RIPK1: variants seen among roughly 807,000 people sequenced by gnomAD.
RIPK1 encodes the protein receptor interacting serine/threonine kinase 1.
In RIPK1, 27 loss-of-function variants were observed where a neutral mutation model predicts 62.4. The ratio of observed to expected loss-of-function variants is 0.43; its 90% CI spans 0.32 to 0.60. RIPK1 has a LOEUF of 0.60. Among genes scored for constraint, RIPK1 ranks in the 20% least tolerant of loss-of-function variants. The probability of loss-of-function intolerance (pLI) is 0.07; values close to 1 mark genes in which losing one functional copy is unlikely to be tolerated. For synonymous variants in RIPK1, 287 were observed against 303.2 expected (o/e 0.95, Z 0.55); for missense variants, 735 against 831.0 (o/e 0.88, Z 1.42).
chr6:3,101,246 C>G (rs1488562914), intron 7 of RIPK1, among the ~76,000 whole-genome samples: 1 of 152,032 alleles, frequency 6.6e-6, no homozygotes, highest in African/African-American at 2.4e-5. Context: ...CAGTGAGACT[C>G]TGTCTCAAGA....
intron 7 of RIPK1, among the ~76,000 whole-genome samples, chr6:3,096,030 T>C (rs1237128170): frequency 6.6e-6 from 1 of 152,116 alleles, no homozygotes; most frequent in Non-Finnish European, 1.5e-5. Context: ...AGAGACAGGA[T>C]TTTGCCATGT....
intron 3 of RIPK1, 108 bp from the exon 4 acceptor site, chr6:3,080,871 C>G (rs1368903309): frequency 9.3e-7 from 1 of 1,072,658 alleles, no homozygotes; most frequent in South Asian, 1.5e-5. Flanking sequence ...GGAAGGAAAC[C>G]TGGTAACCTT....
chr6:3,066,344 G>C (rs534322687), upstream of RIPK1, among the ~76,000 whole-genome samples: 1 of 152,226 alleles, frequency 6.6e-6, no homozygotes, highest in Admixed American at 6.5e-5. Flanking sequence ...GATTTTTTGT[G>C]TTTAATTCAC....
chr6:3,094,640 A>G (rs923428103), intron 7 of RIPK1, among the ~76,000 whole-genome samples: 1 of 151,270 alleles, frequency 6.6e-6, no homozygotes, highest in African/African-American at 2.4e-5. Flanking sequence ...CATTATCTGA[A>G]GAAGATAGCA....
At chr6:3,068,763 G>A (rs1421297158) in intron 1 of RIPK1, 102 bp downstream of exon 1, 8 of 679,972 alleles carry the variant, frequency 1.2e-5, no homozygotes, top group Non-Finnish European at 1.3e-5. Flanking sequence ...CAGCACGCCC[G>A]GGCAAGGCTG....
intron 3 of RIPK1, among the ~76,000 whole-genome samples, chr6:3,078,702 T>C (rs1163455319): frequency 6.6e-6 from 1 of 152,242 alleles, no homozygotes; most frequent in East Asian, 1.9e-4. Flanking sequence ...AAATTAAATA[T>C]AGAAATTATT....
At chr6:3,070,230 A>G (rs1304593986) in intron 1 of RIPK1, among the ~76,000 whole-genome samples, 1 of 152,148 alleles carries the variant, frequency 6.6e-6, no homozygotes, top group Non-Finnish European at 1.5e-5. Flanking sequence ...GTATTAAGAA[A>G]AGCTCTTAAA....
At chr6:3,064,515 C>G (rs1213858610), upstream of RIPK1, among the ~76,000 whole-genome samples, 1 of 152,226 alleles carries the variant, frequency 6.6e-6, no homozygotes, top group African/African-American at 2.4e-5. Flanking sequence ...TGGGGCCCTT[C>G]CTTCCCCGGA....
At chr6:3,076,283 T>C (rs185047569) in intron 1 of RIPK1, among the ~76,000 whole-genome samples, 1 of 152,156 alleles carries the variant, frequency 6.6e-6, no homozygotes, top group Non-Finnish European at 1.5e-5. Context: ...CTTAAAAATA[T>C]GAAAAATAGC....
rs1761265809 is a variant in RIPK1 at position 3,113,405 on chromosome 6, G to A, written c.*66G>A. The A allele has an allele frequency of 6.7e-7, 1 of 1,482,304 alleles. No homozygotes were observed. The highest frequency in any genetic ancestry group is 2.1e-5 in the Admixed American group (1 of 48,378). The allele number at this position is 1,482,304 out of a possible 1,614,324, so 91.8% of individuals were successfully genotyped here. ...AGTGGATAACCCCAGAAAGTTGGCT[G>A]CCTCAGAGCATTCAGAATTCTGTCC... is the stretch of plus-strand genomic sequence containing the variant. On this transcript the variant is annotated 3_prime_UTR_variant, in exon 11 of 11. Transcript: ENST00000259808. This position sits in a 1 kb window ranked among gnomAD's most constrained non-coding sequence, Gnocchi z 5.0.
chr6:3,082,147 C>T lies in RIPK1; in HGVS notation c.460-938C>T, dbSNP rs943237921. On this transcript the variant is annotated intron_variant, in intron 4 of 10. Coordinates refer to ENST00000259808, the MANE Select transcript of RIPK1 (RefSeq NM_001354930.2). ...AAGCACAAGAATCCAAAAGGGGAAG[C>T]GGAAGGGGAAGCAGCCCTGGGGGAG... Among the ~76,000 whole-genome samples the T allele has an allele frequency of 3.9e-5, 6 of 152,030 alleles. No homozygotes were observed. The East Asian group carries it at 5.8e-4, about 15-fold the overall frequency.
intron 1 of RIPK1, among the ~76,000 whole-genome samples, chr6:3,074,032 G>C (rs1373774249): frequency 6.6e-6 from 1 of 152,198 alleles, no homozygotes; most frequent in Non-Finnish European, 1.5e-5. Flanking sequence ...ACCATAGCTA[G>C]AGTTCAATAT....
At chr6:3,069,129 G>GA (rs1233969186) in intron 1 of RIPK1, among the ~76,000 whole-genome samples, 8 of 150,228 alleles carry the variant, frequency 5.3e-5, no homozygotes, top group Middle Eastern at 3.4e-3. Context: ...CGTGAGGGTG[G>GA]AATAGGCAGT....
chr6:3,104,813 T>C (rs1010068905), intron 8 of RIPK1, among the ~76,000 whole-genome samples: 1 of 152,140 alleles, frequency 6.6e-6, no homozygotes, highest in Non-Finnish European at 1.5e-5. Flanking sequence ...ATAGGGCTCT[T>C]CAAGAATGAA....
intron 7 of RIPK1, among the ~76,000 whole-genome samples, chr6:3,094,691 A>C (rs1760192565): frequency 6.6e-6 from 1 of 151,998 alleles, no homozygotes; most frequent in South Asian, 2.1e-4. Flanking sequence ...TAAGGAAAAG[A>C]GCATAAATTA....
At chr6:3,077,032 G>A in intron 2 of RIPK1, 45 bp downstream of exon 2, 1 of 1,534,932 alleles carries the variant, frequency 6.5e-7, no homozygotes, top group Non-Finnish European at 8.8e-7. Flanking sequence ...TGAGCGGGAT[G>A]GGGACGTTGG....
chr6:3,072,396 T>TATATAC lies in RIPK1; in HGVS notation c.-61+3740_-61+3741insCATATA. ...TTATATCTTTATCTATTTACATATATATATATATAAAACACACACAAATGT... is the reference window on the plus strand; with the variant it reads ...TTATATCTTTATCTATTTACATATATATATACATATATATAAAACACACACAAATGT... On this transcript the variant is annotated intron_variant, in intron 1 of 10. Coordinates refer to ENST00000259808, the MANE Select transcript of RIPK1 (RefSeq NM_001354930.2). The surrounding 1 kb of genome is among the most constrained non-coding windows in gnomAD (Gnocchi z 5.6). Among the ~76,000 whole-genome samples, 1 of 151,912 alleles carries TATATAC rather than the reference T, an allele frequency of 6.6e-6. No homozygotes were observed. Among genetic ancestry groups the TATATAC allele is most frequent in the Non-Finnish European group, 1.5e-5 (1 of 67,958 alleles).
intron 9 of RIPK1, among the ~76,000 whole-genome samples, chr6:3,108,829 C>G (rs1761001519): frequency 6.6e-6 from 1 of 152,146 alleles, no homozygotes; most frequent in Non-Finnish European, 1.5e-5. Context: ...ATATTTCTTA[C>G]ACCTTTCAGT....
intron 7 of RIPK1, among the ~76,000 whole-genome samples, 169 bp downstream of exon 7, chr6:3,089,826 G>A (rs1006833308): frequency 3.3e-5 from 5 of 152,166 alleles, no homozygotes; most frequent in Non-Finnish European, 7.3e-5. Context: ...TGGCATACTG[G>A]ACCCATTTCT....
Sources: gnomAD v4.1 joint callset for allele counts (sites outside exome capture counted in the v4.1 genomes callset) on GRCh38, gnomAD v4.1.1 for gene constraint, Gnocchi (gnomAD v3.1) non-coding constraint, MANE v1.5 for transcripts, NCBI Gene and HGNC (gene_info 2026-07-23, HGNC 2026-07-21) for gene names.